WSCD1: variants seen among roughly 807,000 people sequenced by gnomAD.
The protein encoded by WSCD1 is sialate:O-sulfotransferase 1.
Under a neutral mutation model 60.4 loss-of-function variants are expected in WSCD1, and 41 were observed. The ratio of observed to expected loss-of-function variants is 0.68; its 90% CI spans 0.53 to 0.88. WSCD1 has a LOEUF of 0.88. Ranked by LOEUF, WSCD1 falls within the 40% of genes least tolerant of loss-of-function variation. The pLI is 0.00. For missense variants in WSCD1, 784 were observed against 796.2 expected, an observed-to-expected ratio of 0.98 and a Z score of 0.18; for synonymous variants, 361 against 332.5, an observed-to-expected ratio of 1.09 and a Z score of -0.93.
chr17:6,086,274 T>TATATATATATATATATATATAC (rs1171616404), intron 2 of WSCD1, among the ~76,000 whole-genome samples: 27 of 145,736 alleles, frequency 1.9e-4, no homozygotes, highest in South Asian at 8.7e-4. Flanking sequence ...TATATATATA[T>TATATATATATATATATATATAC]ACTTATGTAC....
At chr17:6,099,641 A>G (rs370482934) in intron 5 of WSCD1, among the ~76,000 whole-genome samples, 1 of 152,116 alleles carries the variant, frequency 6.6e-6, no homozygotes, top group East Asian at 1.9e-4. Context: ...TCAGAACATC[A>G]TGATGACCTG....
chr17:6,112,152 C>T (rs752547642), intron 7 of WSCD1, among the ~76,000 whole-genome samples: 1 of 152,008 alleles, frequency 6.6e-6, no homozygotes, highest in African/African-American at 2.4e-5. Context: ...AACCTAATGA[C>T]GTACCTCAAG....
At chr17:6,096,655 C>T (rs1277985139) in intron 5 of WSCD1, among the ~76,000 whole-genome samples, 3 of 152,236 alleles carry the variant, frequency 2.0e-5, no homozygotes, top group Non-Finnish European at 4.4e-5. Context: ...GACATCTGGC[C>T]TGGGGACCTC....
Position 6,120,337 on chromosome 17 carries a change from C to T in WSCD1, c.1404C>T (p.Ala468=), listed in dbSNP as rs750443060. 1.2e-6 allele frequency: 2 copies of T among 1,614,030 alleles called. No individual in the cohort carries two copies. The highest frequency in any genetic ancestry group is 2.2e-5 in the East Asian group (1 of 44,880). Residue 468 remains alanine, a synonymous_variant, in exon 9 of 9, where the codon GCC becomes GCT. Coordinates refer to ENST00000317744, the MANE Select transcript of WSCD1 (RefSeq NM_015253.2). ...KEWPDFVNSY[A]SWWSSHVLDW... ...GGCCGGACTTTGTCAACAGCTACGC[C>T]TCGTGGTGGTCCTCGCACGTCCTGG...
chr17:6,085,120 C>T (rs1322826292), intron 2 of WSCD1: 1 of 152,186 alleles, frequency 6.6e-6, no homozygotes, highest in South Asian at 2.1e-4. Context: ...ACTGATCCAT[C>T]CATCACACGT....
chr17:6,096,659 G>A (rs1368114794), intron 5 of WSCD1, among the ~76,000 whole-genome samples: 2 of 152,244 alleles, frequency 1.3e-5, no homozygotes, highest in African/African-American at 4.8e-5. Flanking sequence ...TCTGGCCTGG[G>A]GACCTCCTCA....
rs538617853 is a variant in WSCD1 at position 6,101,171 on chromosome 17, G to A, written c.849+5948G>A. On this transcript the variant is annotated intron_variant, in intron 5 of 8. Transcript: ENST00000317744. This position sits in a 1 kb window ranked among gnomAD's most constrained non-coding sequence, Gnocchi z 4.1. ...GGTGTGGAGGCTGCCTGGCAGTCCC[G>A]GTGGCAGCTTTATCTCATCCTAATT... Among the ~76,000 whole-genome samples the A allele has an allele frequency of 1.1e-4, 17 of 152,144 alleles. No homozygotes were observed. Among genetic ancestry groups the A allele is most frequent in the African/African-American group, 3.1e-4 (13 of 41,412 alleles).
In WSCD1 at chr17:6,121,351, G is replaced by A. The variant is rs1038109224; in HGVS notation, c.*690G>A. ...CTGGGCTGGCTGCACCATGGGCAGG[G>A]TTGAGGACTGCCCCCCACCCCGCCC... On this transcript the variant is annotated 3_prime_UTR_variant, in exon 9 of 9. Transcript: ENST00000317744. 5.2e-5 allele frequency: 8 copies of A among 152,870 alleles called. No individual in the cohort carries two copies. The highest frequency in any genetic ancestry group is 1.4e-4 in the African/African-American group (6 of 41,458). The allele number at this position is 152,870 out of a possible 1,614,324, so 9.5% of individuals were successfully genotyped here.
intron 5 of WSCD1, among the ~76,000 whole-genome samples, chr17:6,102,677 G>C (rs770265243): frequency 1.3e-5 from 2 of 152,112 alleles, no homozygotes; most frequent in Admixed American, 1.3e-4. Context: ...TACGTAATTT[G>C]TTTTATAAAC....
chr17:6,119,299 T>A (rs774327944), intron 8 of WSCD1, among the ~76,000 whole-genome samples: 49 of 152,220 alleles, frequency 3.2e-4, no homozygotes, highest in Non-Finnish European at 5.9e-4. Flanking sequence ...GACTCACACT[T>A]GCTGAAGTCT....
Position 6,123,091 on chromosome 17 carries a change from A to T in WSCD1, c.*2430A>T, listed in dbSNP as rs937286854. On this transcript the variant is annotated 3_prime_UTR_variant, in exon 9 of 9. Coordinates refer to ENST00000317744, the MANE Select transcript of WSCD1 (RefSeq NM_015253.2). ...AAGTCCATTTGTTTTTCTCCAAGTT[A>T]GGTCTCATCTACAGCTCTTAGCTTC... The T allele has an allele frequency of 3.9e-5, 6 of 152,206 alleles. No homozygotes were observed. The highest frequency in any genetic ancestry group is 1.4e-4 in the African/African-American group (6 of 41,450). The allele number at this position is 152,206 out of a possible 1,614,324, so 9.4% of individuals were successfully genotyped here.
chr17:6,121,135 G>A lies in WSCD1; in HGVS notation c.*474G>A, dbSNP rs1161815055. 2.3e-5 allele frequency: 4 copies of A among 173,792 alleles called. No homozygotes were observed. The highest frequency in any genetic ancestry group is 5.7e-5 in the Admixed American group (1 of 17,594). The allele number at this position is 173,792 out of a possible 1,614,324, so 10.8% of individuals were successfully genotyped here. A position where few individuals can be genotyped will look rare whatever the true frequency, so the allele number is the denominator to read the frequency against. On this transcript the variant is annotated 3_prime_UTR_variant, in exon 9 of 9. Transcript: ENST00000317744. ...CATAGACTTGCTCGTCAGGGTGTTC[G>A]ACTCTGGGATGCTGGGCCGGGCAGA...
chr17:6,081,120 C>A (rs1377152189), intron 2 of WSCD1, 35 bp downstream of exon 2: 51 of 1,506,700 alleles, frequency 3.4e-5, no homozygotes, highest in Admixed American at 4.4e-5. Flanking sequence ...GAGCTGTTCC[C>A]AGGACCCCCC....
chr17:6,080,378 C>T lies in WSCD1; in HGVS notation c.-281C>T, dbSNP rs976382444. 39 of 473,350 alleles carry T rather than the reference C, an allele frequency of 8.2e-5. 2 individuals are homozygous for T. Among genetic ancestry groups the T allele is most frequent in the African/African-American group, 4.3e-4 (21 of 49,408 alleles). The allele number at this position is 473,350 out of a possible 1,614,324, so 29.3% of individuals were successfully genotyped here. ...TCTTTCTCCACCTTCCAGATTTCTGCGCCAGGAGATGAGGGGCGGTAGAGC... is the reference window on the plus strand; with the variant it reads ...TCTTTCTCCACCTTCCAGATTTCTGTGCCAGGAGATGAGGGGCGGTAGAGC... On this transcript the variant is annotated 5_prime_UTR_variant, in exon 2 of 9. Coordinates refer to ENST00000317744, the MANE Select transcript of WSCD1 (RefSeq NM_015253.2). The surrounding 1 kb of genome is among the most constrained non-coding windows in gnomAD (Gnocchi z 6.6).
chr17:6,102,539 TG>T (rs1210598631), intron 5 of WSCD1, among the ~76,000 whole-genome samples: 3 of 152,242 alleles, frequency 2.0e-5, no homozygotes, highest in Non-Finnish European at 4.4e-5. Context: ...TTTGTTTTTC[TG>T]GGGGGTTAAC....
intron 4 of WSCD1, among the ~76,000 whole-genome samples, chr17:6,092,925 G>A (rs1910152879): frequency 1.3e-5 from 2 of 152,166 alleles, no homozygotes; most frequent in South Asian, 4.1e-4. Context: ...AGGTACCTTT[G>A]CCTTCCTGCC....
At position 6,070,596 on chromosome 17, in the gene WSCD1, C is replaced by A. The variant is rs1908471733; in HGVS notation, c.-345C>A. On this transcript the variant is annotated 5_prime_UTR_variant, in exon 1 of 9. Coordinates refer to ENST00000317744, the MANE Select transcript of WSCD1 (RefSeq NM_015253.2). ...TGCGGGGGGCTGCGGGCTCGGCGCC[C>A]GGGGAAGGCGGGCCATGGGCGCGGG... 1 of 148,454 alleles carries A rather than the reference C, an allele frequency of 6.7e-6. No homozygotes were observed. The highest frequency in any genetic ancestry group is 2.0e-4 in the East Asian group (1 of 5,024). 9.2% of individuals were successfully genotyped at this position (148,454 alleles called of 1,614,324 possible).
At chr17:6,109,386 A>G (rs1332907844) in intron 5 of WSCD1, among the ~76,000 whole-genome samples, 1 of 152,232 alleles carries the variant, frequency 6.6e-6, no homozygotes, top group Non-Finnish European at 1.5e-5. Flanking sequence ...GCTTATAAGA[A>G]CATGGGCTAC....
At chr17:6,112,155 AC>A (rs1911449274) in intron 7 of WSCD1, among the ~76,000 whole-genome samples, 1 of 152,246 alleles carries the variant, frequency 6.6e-6, no homozygotes, top group Admixed American at 6.5e-5. Flanking sequence ...CTAATGACGT[AC>A]CTCAAGGAAC....
Sources: gnomAD v4.1 joint callset for allele counts (sites outside exome capture counted in the v4.1 genomes callset) on GRCh38, gnomAD v4.1.1 for gene constraint, Gnocchi (gnomAD v3.1) non-coding constraint, MANE v1.5 for transcripts, NCBI Gene and HGNC (gene_info 2026-07-23, HGNC 2026-07-21) for gene names.